The following SLC9A7 variants were observed in gnomAD, a reference collection of about 807,000 sequenced individuals.
The protein encoded by SLC9A7 is solute carrier family 9 member A7.
Under a neutral mutation model 52.6 loss-of-function variants are expected in SLC9A7, and 19 were observed. The observed-to-expected ratio is 0.36, with a 90% CI of 0.25 to 0.53. SLC9A7 has a LOEUF of 0.53. Ranked by LOEUF, SLC9A7 falls within the 20% of genes least tolerant of loss-of-function variation. SLC9A7 has a pLI of 0.91. For synonymous variants in SLC9A7, 226 were observed against 252.1 expected, an observed-to-expected ratio of 0.90 and a Z score of 0.98; for missense variants, 455 against 597.9, an observed-to-expected ratio of 0.76 and a Z score of 2.49.
intron 11 of SLC9A7, 146 bp from the exon 12 acceptor site, chrX:46,643,535 A>G: frequency 1.8e-6 from 1 of 543,424 alleles, no homozygotes; most frequent in South Asian, 3.8e-5. Flanking sequence ...AGAACCTTAA[A>G]GGCATGATTT....
chrX:46,673,355 AACAC>A (rs57016133), intron 3 of SLC9A7, among the ~76,000 whole-genome samples: 36 of 102,527 alleles, frequency 3.5e-4, no homozygotes, highest in African/African-American at 9.2e-4. Flanking sequence ...TAAAAATATA[AACAC>A]ACACACACAC....
At position 46,622,411 on chromosome X, in the gene SLC9A7, A is replaced by G. The variant is rs575394841; in HGVS notation, c.1741-1352T>C. 1.3e-4 allele frequency among the ~76,000 whole-genome samples: 15 copies of G among 112,131 alleles called. No homozygotes were observed. The East Asian group carries it at 2.8e-3, about 21-fold the overall frequency. On this transcript the variant is annotated intron_variant, in intron 14 of 16. Transcript: ENST00000616978. The stretch of plus-strand genomic sequence containing the variant: ...TAGCAGATGACTTTTTTGATAGGCA[A>G]ATATATAATGGAAAAAATCAAATGG...
chrX:46,686,091 T>C (rs1489852450), intron 1 of SLC9A7, among the ~76,000 whole-genome samples: 1 of 112,301 alleles, frequency 8.9e-6, no homozygotes, highest in Non-Finnish European at 1.9e-5. Flanking sequence ...TCTCTTCCAG[T>C]AATCATCACT....
At chrX:46,718,061 A>G (rs1944799156) in intron 1 of SLC9A7, among the ~76,000 whole-genome samples, 1 of 112,138 alleles carries the variant, frequency 8.9e-6, no homozygotes, top group Non-Finnish European at 1.9e-5. Context: ...ACAAAGCTAC[A>G]GTAACCAAAA....
chrX:46,709,250 T>C (rs770186837), intron 1 of SLC9A7, among the ~76,000 whole-genome samples: 2 of 109,110 alleles, frequency 1.8e-5, no homozygotes, highest in South Asian at 4.0e-4. Flanking sequence ...TAAAAAAAAA[T>C]ACAAAAATTA....
At chrX:46,682,712 C>T (rs1343136432) in intron 1 of SLC9A7, among the ~76,000 whole-genome samples, 177 bp from the exon 2 acceptor site, 2 of 111,394 alleles carry the variant, frequency 1.8e-5, no homozygotes, top group Non-Finnish European at 3.8e-5. Flanking sequence ...GTTAAGCATC[C>T]ATCTATTCTG....
chrX:46,653,164 G>A (rs930306387), intron 8 of SLC9A7, among the ~76,000 whole-genome samples: 1 of 111,702 alleles, frequency 9.0e-6, no homozygotes, highest in African/African-American at 3.3e-5. Context: ...AGAGGCTGAG[G>A]TAGGAGGTTC....
At chrX:46,755,478 T>C (rs1477682726) in intron 1 of SLC9A7, among the ~76,000 whole-genome samples, 1 of 110,842 alleles carries the variant, frequency 9.0e-6, no homozygotes, top group Admixed American at 9.6e-5. Flanking sequence ...ATTGATAACA[T>C]AATGTGATTT....
At position 46,600,738 on chromosome X, in the gene SLC9A7, C is replaced by T. The variant is rs1433038824; in HGVS notation, c.*6214G>A. On this transcript the variant is annotated 3_prime_UTR_variant, in exon 17 of 17. Coordinates refer to ENST00000616978, the MANE Select transcript of SLC9A7 (RefSeq NM_001257291.2). Reference sequence around the variant, plus strand: ...AAAGGATTGTTGATGAGTCTACTTGCTTTTCCTAGTTAAGACACTAGCAAT... The same window carrying T: ...AAAGGATTGTTGATGAGTCTACTTGTTTTTCCTAGTTAAGACACTAGCAAT... 3 of 112,152 alleles carry T rather than the reference C, an allele frequency of 2.7e-5. No individual in the cohort carries two copies. The East Asian group carries it at 8.3e-4, about 31-fold the overall frequency. The allele number at this position is 112,152 out of a possible 1,213,427, so 9.2% of individuals were successfully genotyped here.
At chrX:46,638,288 T>G (rs1428993616) in intron 12 of SLC9A7, among the ~76,000 whole-genome samples, 1 of 112,316 alleles carries the variant, frequency 8.9e-6, no homozygotes, top group African/African-American at 3.2e-5. Flanking sequence ...TCTACACTTA[T>G]GTAATCATTA....
intron 5 of SLC9A7, among the ~76,000 whole-genome samples, chrX:46,664,048 G>A (rs183012865): frequency 1.2e-3 from 133 of 111,560 alleles, no homozygotes; most frequent in Middle Eastern, 4.6e-3. Context: ...TAATAATGAC[G>A]GGGGTGGGGG....
At chrX:46,653,970 C>T (rs1392999669) in intron 7 of SLC9A7, among the ~76,000 whole-genome samples, 7 of 111,110 alleles carry the variant, frequency 6.3e-5, no homozygotes, top group Non-Finnish European at 1.1e-4. Flanking sequence ...GCTTCTGTTT[C>T]GGATGATGAA....
At position 46,603,787 on chromosome X, in the gene SLC9A7, C is replaced by T. The variant is rs149589637; in HGVS notation, c.*3165G>A. On this transcript the variant is annotated 3_prime_UTR_variant, in exon 17 of 17. Transcript: ENST00000616978. The stretch of plus-strand genomic sequence containing the variant: ...CCAGGAGGTGGAGATTGCAGTGAGC[C>T]GAGGTCATGCCACTGCACTCCAGCC... 1,660 of 111,221 alleles carry T rather than the reference C, an allele frequency of 0.015. 48 individuals are homozygous for T. Among genetic ancestry groups the T allele is most frequent in the East Asian group, 0.13 (445 of 3,511 alleles). The allele number at this position is 111,221 out of a possible 1,213,427, so 9.2% of individuals were successfully genotyped here. A position where few individuals can be genotyped will look rare whatever the true frequency, so the allele number is the denominator to read the frequency against.
Position 46,605,663 on chromosome X carries a change from T to C in SLC9A7, c.*1289A>G, listed in dbSNP as rs1942731849. The stretch of plus-strand genomic sequence containing the variant: ...ACCTAGTCTTGAGACTACTATCTTG[T>C]ATTTCTTTGCAGTAATTTTTTTGCA... On this transcript the variant is annotated 3_prime_UTR_variant, in exon 17 of 17. Coordinates refer to ENST00000616978, the MANE Select transcript of SLC9A7 (RefSeq NM_001257291.2). 1 of 112,241 alleles carries C rather than the reference T, an allele frequency of 8.9e-6. No individual in the cohort carries two copies. Among genetic ancestry groups the C allele is most frequent in the African/African-American group, 3.2e-5 (1 of 30,861 alleles). The allele number at this position is 112,241 out of a possible 1,213,427, so 9.2% of individuals were successfully genotyped here. A position where few individuals can be genotyped will look rare whatever the true frequency, so the allele number is the denominator to read the frequency against.
At chrX:46,698,928 G>A (rs917718067) in intron 1 of SLC9A7, among the ~76,000 whole-genome samples, 2 of 111,363 alleles carry the variant, frequency 1.8e-5, no homozygotes, top group African/African-American at 6.5e-5. Context: ...TGGGAATAGT[G>A]CTGCTCTGAC....
intron 6 of SLC9A7, 128 bp downstream of exon 6, chrX:46,662,410 G>T: frequency 1.8e-6 from 1 of 543,946 alleles, no homozygotes; most frequent in Non-Finnish European, 2.9e-6. Flanking sequence ...TATCCACAAA[G>T]CTGATAAATC....
At chrX:46,688,552 G>A (rs369831959) in intron 1 of SLC9A7, among the ~76,000 whole-genome samples, 3 of 105,972 alleles carry the variant, frequency 2.8e-5, no homozygotes, top group African/African-American at 3.5e-5. Flanking sequence ...AGCCAAGATC[G>A]TGCCATTGCA....
At chrX:46,608,797 C>T (rs1446581333) in intron 16 of SLC9A7, among the ~76,000 whole-genome samples, 2 of 111,268 alleles carry the variant, frequency 1.8e-5, no homozygotes, top group Non-Finnish European at 3.8e-5. Context: ...AGGTGCCCAC[C>T]ATCATGCCCA....
chrX:46,751,481 TG>T (rs782772874), intron 1 of SLC9A7, among the ~76,000 whole-genome samples: 4 of 111,270 alleles, frequency 3.6e-5, no homozygotes, highest in African/African-American at 9.8e-5. Context: ...AAAAAATACA[TG>T]AACTTAAGAA....
Sources: allele counts gnomAD v4.1 joint callset (sites outside exome capture counted in the v4.1 genomes callset), GRCh38; gene constraint gnomAD v4.1.1; transcripts MANE v1.5; gene names NCBI Gene and HGNC (gene_info 2026-07-23, HGNC 2026-07-21).